The following SLC25A48 variants were observed in gnomAD, a reference collection of about 807,000 sequenced individuals.
SLC25A48 encodes the protein solute carrier family 25 member 48.
In SLC25A48, 29 loss-of-function variants were observed where a neutral mutation model predicts 32.2. That is an observed-to-expected ratio of 0.90 (90% CI 0.67 to 1.23). SLC25A48 has a LOEUF of 1.23. SLC25A48 is among the 50% of genes most tolerant of loss of function. SLC25A48 has a pLI of 0.00. For missense variants in SLC25A48, 399 were observed against 422.7 expected (o/e 0.94, Z 0.49); for synonymous variants, 164 against 172.3 (o/e 0.95, Z 0.38).
At chr5:135,652,600 G>C in intron 3 of SLC25A48, 1 of 363,582 alleles carries the variant, frequency 2.8e-6, no homozygotes, top group South Asian at 2.1e-5. Flanking sequence ...AGCACCATTT[G>C]GGATTAAACA....
chr5:135,634,076 C>A (rs1173008875), intron 2 of SLC25A48, among the ~76,000 whole-genome samples: 1 of 152,126 alleles, frequency 6.6e-6, no homozygotes, highest in Non-Finnish European at 1.5e-5. Context: ...GGGTACCTTG[C>A]CCATGGCTCT....
At chr5:135,879,611 A>AGAGAGT (rs1554087211) in intron 6 of SLC25A48, among the ~76,000 whole-genome samples, 1 of 119,416 alleles carries the variant, frequency 8.4e-6, no homozygotes, top group Non-Finnish European at 1.6e-5. Flanking sequence ...AGAGAGAGAG[A>AGAGAGT]GTGTGTGTGT....
At chr5:135,861,100 G>A (rs1240958554) in intron 4 of SLC25A48, among the ~76,000 whole-genome samples, 1 of 152,164 alleles carries the variant, frequency 6.6e-6, no homozygotes, top group African/African-American at 2.4e-5. Context: ...ACAACCACTG[G>A]TAACACATTA....
At chr5:135,620,900 C>T (rs961266279) in intron 1 of SLC25A48, among the ~76,000 whole-genome samples, 1 of 152,130 alleles carries the variant, frequency 6.6e-6, no homozygotes, top group Non-Finnish European at 1.5e-5. Context: ...TGCTGGAGAT[C>T]TCTCTCTTAC....
chr5:135,623,169 A>G (rs1181077393), intron 1 of SLC25A48, among the ~76,000 whole-genome samples: 2 of 152,236 alleles, frequency 1.3e-5, no homozygotes, highest in Admixed American at 6.5e-5. Context: ...GTTGCTTTGA[A>G]AGGAAGAATT....
At chr5:135,870,260 A>T (rs1024338535) in intron 4 of SLC25A48, among the ~76,000 whole-genome samples, 7 of 152,168 alleles carry the variant, frequency 4.6e-5, no homozygotes, top group Non-Finnish European at 1.0e-4. Flanking sequence ...TTTCCTGGTC[A>T]TGTCACATTA....
intron 1 of SLC25A48, among the ~76,000 whole-genome samples, chr5:135,609,127 C>T (rs1023687566): frequency 1.3e-5 from 2 of 152,222 alleles, no homozygotes; most frequent in Non-Finnish European, 2.9e-5. Flanking sequence ...TGGCTTTGGG[C>T]TAGTTGTGCT....
At chr5:135,799,280 T>C (rs903812236) in intron 3 of SLC25A48, among the ~76,000 whole-genome samples, 11 of 151,638 alleles carry the variant, frequency 7.3e-5, no homozygotes, top group African/African-American at 2.7e-4. Flanking sequence ...GAGGATAATA[T>C]TACTACCAAT....
intron 3 of SLC25A48, among the ~76,000 whole-genome samples, chr5:135,667,086 A>C (rs190679798): frequency 6.6e-6 from 1 of 152,080 alleles, no homozygotes; most frequent in African/African-American, 2.4e-5. Context: ...AGCTTTATTC[A>C]CTTTGCCCTG....
intron 3 of SLC25A48, among the ~76,000 whole-genome samples, chr5:135,701,967 T>G (rs1416059108): frequency 1.3e-5 from 2 of 152,280 alleles, no homozygotes; most frequent in Admixed American, 1.3e-4. Context: ...TATTTATCTC[T>G]TTAATCTTGC....
At chr5:135,590,750 A>G (rs1483485016) in intron 1 of SLC25A48, among the ~76,000 whole-genome samples, 1 of 152,116 alleles carries the variant, frequency 6.6e-6, no homozygotes, top group Non-Finnish European at 1.5e-5. Flanking sequence ...TTTGGAGAAA[A>G]GACAATAGGC....
chr5:135,709,025 C>G (rs1167752872), intron 3 of SLC25A48, among the ~76,000 whole-genome samples: 2 of 152,102 alleles, frequency 1.3e-5, no homozygotes, highest in African/African-American at 4.8e-5. Flanking sequence ...TTTATTATTA[C>G]AAAATGTGGA....
At chr5:135,580,998 G>A (rs1751221039) in intron 1 of SLC25A48, among the ~76,000 whole-genome samples, 1 of 152,192 alleles carries the variant, frequency 6.6e-6, no homozygotes, top group Non-Finnish European at 1.5e-5. Flanking sequence ...CAAATTGCCT[G>A]AGTATGCATC....
At chr5:135,650,439 A>G (rs1753081898) in intron 3 of SLC25A48, 1 of 456,084 alleles carries the variant, frequency 2.2e-6, no homozygotes, top group African/African-American at 2.0e-5. Context: ...GAGAGCCTCC[A>G]GACACAGTGA....
intron 3 of SLC25A48, among the ~76,000 whole-genome samples, chr5:135,807,308 T>C (rs1488068128): frequency 6.8e-6 from 1 of 148,130 alleles, no homozygotes; most frequent in Admixed American, 6.9e-5. Context: ...TATATTTTCT[T>C]AATATCATAG....
chr5:135,793,631 A>G (rs1405405981), intron 3 of SLC25A48, among the ~76,000 whole-genome samples: 1 of 151,742 alleles, frequency 6.6e-6, no homozygotes, highest in Non-Finnish European at 1.5e-5. Context: ...TTGGGGAGAT[A>G]TTACTCTCCT....
intron 3 of SLC25A48, among the ~76,000 whole-genome samples, chr5:135,712,057 G>A (rs1452174337): frequency 6.6e-6 from 1 of 152,086 alleles, no homozygotes; most frequent in Non-Finnish European, 1.5e-5. Flanking sequence ...ACCCTGAATT[G>A]TCGATGATTT....
At chr5:135,807,960 C>T (rs1757502637) in intron 3 of SLC25A48, among the ~76,000 whole-genome samples, 1 of 149,812 alleles carries the variant, frequency 6.7e-6, no homozygotes, top group Non-Finnish European at 1.5e-5. Context: ...TGTGTTTACA[C>T]TGTATGTTAA....
chr5:135,759,898 C>T (rs568503386), intron 3 of SLC25A48, among the ~76,000 whole-genome samples: 3 of 149,636 alleles, frequency 2.0e-5, no homozygotes, highest in East Asian at 2.0e-4. Context: ...GGCACGATCT[C>T]AGCTCACTGC....
Sources: allele counts gnomAD v4.1 joint callset (sites outside exome capture counted in the v4.1 genomes callset), GRCh38; gene constraint gnomAD v4.1.1; transcripts MANE v1.5; gene names NCBI Gene and HGNC (gene_info 2026-07-23, HGNC 2026-07-21).